Variants in GRID2 observed in about 807,000 individuals in gnomAD.
GRID2 encodes glutamate receptor ionotropic, delta-2.
In GRID2, 33 loss-of-function variants were observed where a neutral mutation model predicts 114.8. That is an observed-to-expected ratio of 0.29 (90% confidence interval 0.22 to 0.38). The LOEUF (loss-of-function observed/expected upper bound fraction) is 0.38. GRID2 is among the 10% of genes least tolerant of loss of function. The pLI, the probability that GRID2 is intolerant of heterozygous loss-of-function variation, is 1.00. For missense variants in GRID2, 1,184 were observed against 1,257.7 expected (o/e 0.94, Z 0.89); for synonymous variants, 505 against 449.9 (o/e 1.12, Z -1.55).
chr4:92,652,807 AT>A lies in GRID2; in HGVS notation c.244+62522del, dbSNP rs1255192148. Among the ~76,000 whole-genome samples, 470 of 129,928 alleles carry A rather than the reference AT, an allele frequency of 3.6e-3. 29 individuals are homozygous for A. Among genetic ancestry groups the A allele is most frequent in the African/African-American group, 9.8e-3 (307 of 31,300 alleles). 85.2% of individuals were successfully genotyped at this position (129,928 alleles called of 152,430 possible). A position where few individuals can be genotyped will look rare whatever the true frequency, so the allele number is the denominator to read the frequency against. Reference sequence around the variant, plus strand: ...CCTGGCCAAGATGGTGAAAAAAAAAATATATATATATATATAAATATATATA... The same window carrying A: ...CCTGGCCAAGATGGTGAAAAAAAAAAATATATATATATATAAATATATATA... On this transcript the variant is annotated intron_variant, in intron 2 of 15. Coordinates refer to ENST00000282020, the MANE Select transcript of GRID2 (RefSeq NM_001510.4).
intron 1 of GRID2, among the ~76,000 whole-genome samples, chr4:92,554,252 A>C: frequency 6.6e-6 from 1 of 152,220 alleles, no homozygotes; most frequent in South Asian, 2.1e-4. Context: ...TATGAGCGGC[A>C]GTAAACCTAT....
At chr4:92,462,835 T>C (rs1721562976) in intron 1 of GRID2, among the ~76,000 whole-genome samples, 1 of 152,006 alleles carries the variant, frequency 6.6e-6, no homozygotes, top group Non-Finnish European at 1.5e-5. Flanking sequence ...TACTCAACTA[T>C]ATTGTGATGT....
At chr4:92,859,093 A>C (rs1203497308) in intron 2 of GRID2, among the ~76,000 whole-genome samples, 1 of 152,154 alleles carries the variant, frequency 6.6e-6, no homozygotes, top group African/African-American at 2.4e-5. Flanking sequence ...ATCTTTTGTG[A>C]AAGAAAGAAA....
chr4:93,602,645 C>A (rs1739803652), intron 13 of GRID2, among the ~76,000 whole-genome samples: 1 of 152,214 alleles, frequency 6.6e-6, no homozygotes, highest in African/African-American at 2.4e-5. Context: ...CTGGCTGCTT[C>A]ACCGACTGAC....
intron 2 of GRID2, among the ~76,000 whole-genome samples, chr4:92,901,638 AT>A (rs985467986): frequency 3.3e-5 from 5 of 151,944 alleles, no homozygotes. Context: ...TTTGTTTTTA[AT>A]TACGTTTATG....
intron 8 of GRID2, among the ~76,000 whole-genome samples, chr4:93,238,836 T>TG (rs1353827366): frequency 2.0e-5 from 3 of 151,622 alleles, no homozygotes; most frequent in Non-Finnish European, 4.4e-5. Flanking sequence ...TTGTAACATG[T>TG]ACAAAATCAG....
At chr4:92,469,597 A>T (rs1245224710) in intron 1 of GRID2, among the ~76,000 whole-genome samples, 1 of 152,026 alleles carries the variant, frequency 6.6e-6, no homozygotes, top group Non-Finnish European at 1.5e-5. Flanking sequence ...AGGTTGGTTG[A>T]ATCCATGGAT....
intron 8 of GRID2, among the ~76,000 whole-genome samples, chr4:93,347,843 T>G (rs1335968503): frequency 1.3e-5 from 2 of 152,066 alleles, no homozygotes; most frequent in African/African-American, 2.4e-5. Context: ...AAACACTACC[T>G]TATACTGCAT....
intron 2 of GRID2, among the ~76,000 whole-genome samples, chr4:92,927,876 A>C (rs1331343568): frequency 6.6e-6 from 1 of 151,744 alleles, no homozygotes; most frequent in Non-Finnish European, 1.5e-5. Context: ...TGGATGTTAG[A>C]ATGTTTGCAT....
At chr4:93,786,022 G>C (rs540765703) in intron 1 of GRID2, among the ~76,000 whole-genome samples, 5 of 152,320 alleles carry the variant, frequency 3.3e-5, no homozygotes, top group Admixed American at 2.0e-4. Flanking sequence ...AAGGACAAAA[G>C]AGTGTGTTAA....
intron 2 of GRID2, among the ~76,000 whole-genome samples, chr4:92,671,355 T>C (rs1733061950): frequency 6.6e-6 from 1 of 151,974 alleles, no homozygotes; most frequent in South Asian, 2.1e-4. Context: ...CAACATGAGA[T>C]TTTGGTGGGG....
chr4:92,898,469 C>T (rs1001038435), intron 2 of GRID2, among the ~76,000 whole-genome samples: 2 of 152,072 alleles, frequency 1.3e-5, no homozygotes, highest in African/African-American at 4.8e-5. Context: ...CAAACATATA[C>T]TGTATATTCT....
At chr4:93,011,139 TTTG>T (rs931455464) in intron 2 of GRID2, among the ~76,000 whole-genome samples, 2 of 151,906 alleles carry the variant, frequency 1.3e-5, no homozygotes, top group African/African-American at 2.4e-5. Context: ...TTGTTTCTTT[TTTG>T]TTGTTGTTTC....
At chr4:93,245,574 G>A (rs1351646519) in intron 8 of GRID2, among the ~76,000 whole-genome samples, 2 of 152,162 alleles carry the variant, frequency 1.3e-5, no homozygotes, top group Non-Finnish European at 2.9e-5. Flanking sequence ...CGGACCATTA[G>A]TATTTGTACT....
chr4:92,573,885 G>T (rs1017847589), intron 1 of GRID2, among the ~76,000 whole-genome samples: 1 of 151,662 alleles, frequency 6.6e-6, no homozygotes, highest in Non-Finnish European at 1.5e-5. Flanking sequence ...CTGTCTCAAT[G>T]ATCTAGTATT....
intron 14 of GRID2, among the ~76,000 whole-genome samples, chr4:93,766,220 C>T (rs545215062): frequency 6.6e-6 from 1 of 152,254 alleles, no homozygotes; most frequent in African/African-American, 2.4e-5. Flanking sequence ...TCTCTCACTG[C>T]TATGAAGAAA....
chr4:92,854,798 AAG>A (rs1279194083), intron 2 of GRID2, among the ~76,000 whole-genome samples: 2 of 152,020 alleles, frequency 1.3e-5, no homozygotes, highest in Non-Finnish European at 2.9e-5. Flanking sequence ...AAAATTTAGA[AAG>A]GGGAAAATTT....
intron 1 of GRID2, among the ~76,000 whole-genome samples, chr4:92,321,475 G>A (rs1726313708): frequency 6.6e-6 from 1 of 152,142 alleles, no homozygotes; most frequent in African/African-American, 2.4e-5. Context: ...TAGCTTTTCA[G>A]CATGTTTTTT....
chr4:92,840,807 T>G (rs946357299), intron 2 of GRID2, among the ~76,000 whole-genome samples: 1 of 152,100 alleles, frequency 6.6e-6, no homozygotes, highest in Non-Finnish European at 1.5e-5. Flanking sequence ...AAAGAAATAT[T>G]TGAAGCTCTC....
Sources: gnomAD v4.1 joint callset for allele counts (sites outside exome capture counted in the v4.1 genomes callset) on GRCh38, gnomAD v4.1.1 for gene constraint, MANE v1.5 for transcripts, NCBI Gene and HGNC (gene_info 2026-07-23, HGNC 2026-07-21) for gene names.